The following TMEM230 variants were observed in gnomAD, a reference collection of about 807,000 sequenced individuals.
TMEM230 encodes the protein UPF0414 transmembrane protein C20orf30.
In TMEM230, 10 loss-of-function variants were observed where a neutral mutation model predicts 15.8. The observed-to-expected ratio is 0.63, with a 90% CI of 0.39 to 1.07. The LOEUF (loss-of-function observed/expected upper bound fraction) is 1.07, where lower values mean the gene tolerates loss of function less well. TMEM230 is among the 50% of genes least tolerant of loss of function. TMEM230 has a pLI of 0.01. For synonymous variants in TMEM230, 67 were observed against 76.9 expected, an observed-to-expected ratio of 0.87 and a Z score of 0.68; for missense variants, 165 against 193.3, an observed-to-expected ratio of 0.85 and a Z score of 0.87.
downstream of TMEM230, among the ~76,000 whole-genome samples, chr20:5,098,707 CT>C (rs1471755111): frequency 1.3e-5 from 2 of 151,938 alleles, no homozygotes; most frequent in African/African-American, 2.4e-5. Context: ...GATCCTATGA[CT>C]ACTAAATGCA....
At chr20:5,074,399 T>G (rs2088923558) in intron 3 of TMEM230, among the ~76,000 whole-genome samples, 1 of 152,112 alleles carries the variant, frequency 6.6e-6, no homozygotes, top group Admixed American at 6.5e-5. Flanking sequence ...AACCTATCTA[T>G]AGTTTCCCCC....
At chr20:5,083,813 T>C (rs577207957) in intron 3 of TMEM230, among the ~76,000 whole-genome samples, 1 of 152,326 alleles carries the variant, frequency 6.6e-6, no homozygotes, top group Admixed American at 6.5e-5. Context: ...TTCCATAATA[T>C]TGTTCAACTA....
intron 3 of TMEM230, among the ~76,000 whole-genome samples, chr20:5,107,804 ACC>A (rs2090154397): frequency 7.4e-6 from 1 of 135,540 alleles, no homozygotes; most frequent in Non-Finnish European, 1.6e-5. Flanking sequence ...AAAGAGCAAG[ACC>A]CTGTCTCAAA....
chr20:5,067,415 A>G (rs2088679521), downstream of TMEM230: 1 of 5,984 alleles, frequency 1.7e-4, no homozygotes. Context: ...AGGCTCATAT[A>G]TATATATATA....
chr20:5,085,961 G>C (rs1600313738), intron 3 of TMEM230, among the ~76,000 whole-genome samples: 1 of 152,140 alleles, frequency 6.6e-6, no homozygotes, highest in African/African-American at 2.4e-5. Flanking sequence ...CCTCTCACAG[G>C]CTGCTCCATC....
rs961844038 is a variant in TMEM230 at position 5,100,098 on chromosome 20, G to A, written c.*693C>T. ...TTAGGAAACAGCCAAAAGTCCGGCC[G>A]TTAAAGGAATAATCTGCAGAACATC... On this transcript the variant is annotated 3_prime_UTR_variant, in exon 5 of 5. Coordinates refer to ENST00000342308, the MANE Select transcript of TMEM230 (RefSeq NM_001009923.2). 1.1e-4 allele frequency: 108 copies of A among 985,332 alleles called. 2 individuals carry two copies. The African/African-American group carries it at 1.7e-3, about 16-fold the overall frequency. The allele number at this position is 985,332 out of a possible 1,614,324, so 61.0% of individuals were successfully genotyped here.
chr20:5,091,970 AAG>A (rs1466060780), intron 3 of TMEM230, among the ~76,000 whole-genome samples: 2 of 152,206 alleles, frequency 1.3e-5, no homozygotes, highest in Non-Finnish European at 2.9e-5. Flanking sequence ...TGTTTTAATG[AAG>A]AGATACTTTT....
chr20:5,079,392 C>G (rs2089109522), intron 3 of TMEM230, among the ~76,000 whole-genome samples: 1 of 152,200 alleles, frequency 6.6e-6, no homozygotes, highest in Non-Finnish European at 1.5e-5. Context: ...ATTTCAGAAC[C>G]ACTTTGTTGA....
At chr20:5,105,094 G>C (rs1255648335) in intron 4 of TMEM230, among the ~76,000 whole-genome samples, 2 of 152,168 alleles carry the variant, frequency 1.3e-5, no homozygotes, top group African/African-American at 4.8e-5. Flanking sequence ...TGACCAGCCT[G>C]GCCAACATGG....
At chr20:5,081,803 C>T (rs565228661) in intron 3 of TMEM230, among the ~76,000 whole-genome samples, 8 of 151,520 alleles carry the variant, frequency 5.3e-5, no homozygotes, top group East Asian at 1.9e-4. Flanking sequence ...CTCATTATGA[C>T]GAGGAGTAAA....
At chr20:5,096,009 G>A (rs994204091), downstream of TMEM230, among the ~76,000 whole-genome samples, 2 of 152,202 alleles carry the variant, frequency 1.3e-5, no homozygotes, top group African/African-American at 2.4e-5. Flanking sequence ...AGCCTTCCAG[G>A]CCCAGCCACA....
intron 3 of TMEM230, among the ~76,000 whole-genome samples, chr20:5,094,080 T>A (rs1478257066): frequency 6.6e-6 from 1 of 151,664 alleles, no homozygotes; most frequent in African/African-American, 2.4e-5. Flanking sequence ...TGCCTCAGCC[T>A]CCTGAGTAGC....
chr20:5,063,490 T>C (rs1316168030), downstream of TMEM230, among the ~76,000 whole-genome samples: 1 of 151,880 alleles, frequency 6.6e-6, no homozygotes, highest in Non-Finnish European at 1.5e-5. Flanking sequence ...GGTTTCACCA[T>C]ATTGGCTGGG....
In TMEM230 at chr20:5,109,101, C is replaced by T. The variant is rs139731658; in HGVS notation, c.288+231G>A. On this transcript the variant is annotated intron_variant, in intron 3 of 4. Coordinates refer to ENST00000342308, the MANE Select transcript of TMEM230 (RefSeq NM_001009923.2). ...ATAAAACCTGTAACTACAAGGCTCTCGCATTACAACTAAAAATTCTTAGAA... is the reference window on the plus strand; with the variant it reads ...ATAAAACCTGTAACTACAAGGCTCTTGCATTACAACTAAAAATTCTTAGAA... 478 of 369,942 alleles carry T rather than the reference C, an allele frequency of 1.3e-3. 3 individuals are homozygous for T. The highest frequency in any genetic ancestry group is 9.0e-3 in the African/African-American group (430 of 47,786). The allele number at this position is 369,942 out of a possible 1,614,324, so 22.9% of individuals were successfully genotyped here.
intron 1 of TMEM230, chr20:5,112,633 AC>A: frequency 3.2e-6 from 4 of 1,245,710 alleles, no homozygotes; most frequent in South Asian, 3.6e-5. Flanking sequence ...GCTCACCGCT[AC>A]CCCCAAACTC....
At chr20:5,069,426 A>G in intron 3 of TMEM230, 1 of 1,425,706 alleles carries the variant, frequency 7.0e-7, no homozygotes, top group Non-Finnish European at 9.3e-7. Context: ...AATTGTCAAG[A>G]AATCACATCT....
chr20:5,096,405 C>T (rs1310761677), downstream of TMEM230, among the ~76,000 whole-genome samples: 1 of 152,162 alleles, frequency 6.6e-6, no homozygotes, highest in African/African-American at 2.4e-5. Context: ...GAACTACATA[C>T]CTGTGAGGCC....
At chr20:5,104,976 T>G (rs767996195) in intron 4 of TMEM230, among the ~76,000 whole-genome samples, 4 of 152,184 alleles carry the variant, frequency 2.6e-5, no homozygotes, top group Admixed American at 6.5e-5. Flanking sequence ...GAATAATTTA[T>G]TGTACATTTA....
chr20:5,083,230 A>ATTC (rs1302582733), intron 3 of TMEM230, among the ~76,000 whole-genome samples: 3 of 150,322 alleles, frequency 2.0e-5, no homozygotes, highest in Non-Finnish European at 4.4e-5. Flanking sequence ...ACCCGGCCTA[A>ATTC]TTCTTCATAT....
Sources: allele counts gnomAD v4.1 joint callset (sites outside exome capture counted in the v4.1 genomes callset), GRCh38; gene constraint gnomAD v4.1.1; transcripts MANE v1.5; gene names NCBI Gene and HGNC (gene_info 2026-07-23, HGNC 2026-07-21).